Variants in GSAP observed in about 807,000 individuals in gnomAD.
GSAP encodes the protein gamma-secretase activating protein, also known as gamma-secretase-activating protein.
In GSAP, 118 loss-of-function variants were observed where a neutral mutation model predicts 131.7. The ratio of observed to expected loss-of-function variants is 0.90; its 90% CI spans 0.77 to 1.04. The LOEUF (loss-of-function observed/expected upper bound fraction) is 1.04, where lower values mean the gene tolerates loss of function less well. Among genes scored for constraint, GSAP ranks in the 50% least tolerant of loss-of-function variants. The probability of loss-of-function intolerance (pLI) is 0.00; values close to 1 mark genes in which losing one functional copy is unlikely to be tolerated. For missense variants in GSAP, 1,019 were observed against 1,013.2 expected, an observed-to-expected ratio of 1.01 and a Z score of -0.08; for synonymous variants, 381 against 363.4, an observed-to-expected ratio of 1.05 and a Z score of -0.55.
intron 13 of GSAP, among the ~76,000 whole-genome samples, chr7:77,361,280 T>G (rs577232872): frequency 6.6e-6 from 1 of 152,212 alleles, no homozygotes; most frequent in Non-Finnish European, 1.5e-5. Context: ...CCTCTGAGAC[T>G]TCTCCAAATC....
At chr7:77,333,124 G>A (rs577920476) in intron 19 of GSAP, among the ~76,000 whole-genome samples, 20 of 152,238 alleles carry the variant, frequency 1.3e-4, no homozygotes, top group Middle Eastern at 3.4e-3. Context: ...CCAAGATGGC[G>A]CCACTGCACT....
At chr7:77,407,771 C>T (rs1330811804) in intron 1 of GSAP, among the ~76,000 whole-genome samples, 2 of 152,102 alleles carry the variant, frequency 1.3e-5, no homozygotes, top group East Asian at 3.9e-4. Flanking sequence ...CATATATCTT[C>T]AAAAGAAATA....
At chr7:77,313,716 A>G (rs967626759) in intron 27 of GSAP, among the ~76,000 whole-genome samples, 167 bp from the exon 28 acceptor site, 87 of 152,346 alleles carry the variant, frequency 5.7e-4, no homozygotes, top group African/African-American at 2.1e-3. Flanking sequence ...CTCTGAATAA[A>G]AAGGGATTTT....
intron 19 of GSAP, chr7:77,331,909 AAAGAC>A: frequency 6.6e-6 from 1 of 152,098 alleles, no homozygotes; most frequent in Admixed American, 6.5e-5. Flanking sequence ...AAAAAAAAAA[AAAGAC>A]AAGACAAATC....
intron 3 of GSAP, among the ~76,000 whole-genome samples, chr7:77,399,633 G>A (rs897613542): frequency 1.3e-5 from 2 of 151,520 alleles, no homozygotes; most frequent in African/African-American, 4.9e-5. Context: ...TATGCTAATG[G>A]GAAGCATAAG....
intron 18 of GSAP, among the ~76,000 whole-genome samples, chr7:77,352,405 G>A (rs1253034468): frequency 6.6e-6 from 1 of 152,224 alleles, no homozygotes; most frequent in African/African-American, 2.4e-5. Context: ...AAAATGAGCA[G>A]TGTTTTAGCT....
intron 1 of GSAP, among the ~76,000 whole-genome samples, chr7:77,409,393 T>C (rs1453668080): frequency 1.3e-5 from 2 of 152,200 alleles, no homozygotes; most frequent in Non-Finnish European, 2.9e-5. Context: ...ATCTGCATTG[T>C]ATAAGGTATT....
chr7:77,411,619 T>A (rs1281809265), intron 1 of GSAP, among the ~76,000 whole-genome samples: 1 of 151,948 alleles, frequency 6.6e-6, no homozygotes, highest in East Asian at 1.9e-4. Flanking sequence ...TTTAAAAAGA[T>A]CTAAATAAAT....
At chr7:77,356,575 G>T (rs1188854056) in intron 14 of GSAP, among the ~76,000 whole-genome samples, 3 of 152,094 alleles carry the variant, frequency 2.0e-5, no homozygotes, top group Non-Finnish European at 2.9e-5. Context: ...TTATTTCCTT[G>T]CATATCAAGC....
At chr7:77,373,859 A>T (rs1424762821) in intron 12 of GSAP, among the ~76,000 whole-genome samples, 1 of 152,242 alleles carries the variant, frequency 6.6e-6, no homozygotes, top group African/African-American at 2.4e-5. Context: ...CTAGAAGAAT[A>T]ACTCTGCTGT....
At chr7:77,328,433 G>A (rs1788622249) in intron 22 of GSAP, 173 bp downstream of exon 22, 1 of 1,325,940 alleles carries the variant, frequency 7.5e-7, no homozygotes, top group Non-Finnish European at 9.6e-7. Flanking sequence ...CTGGTGCCTA[G>A]ACAGACATGG....
At chr7:77,332,685 C>T (rs1789340898) in intron 19 of GSAP, among the ~76,000 whole-genome samples, 1 of 152,178 alleles carries the variant, frequency 6.6e-6, no homozygotes, top group South Asian at 2.1e-4. Context: ...TTAAAATTTA[C>T]ACTTAAGTAA....
chr7:77,397,365 G>A lies in GSAP; in HGVS notation c.294C>T (p.Asn98=). The A allele has an allele frequency of 6.2e-7, 1 of 1,605,056 alleles. No individual in the cohort carries two copies. The highest frequency in any genetic ancestry group is 8.5e-7 in the Non-Finnish European group (1 of 1,172,956). The change falls in exon 4 of 31, where the codon AAC becomes AAT. Residue 98 remains asparagine, a synonymous_variant. Coordinates refer to ENST00000257626, the MANE Select transcript of GSAP (RefSeq NM_017439.4). Reference sequence around the variant, plus strand: ...ACTTACCAAGCAAAGTCCTTTCACTGTTGACAGAGCAACTGAAAACTTGCA... The same window carrying A: ...ACTTACCAAGCAAAGTCCTTTCACTATTGACAGAGCAACTGAAAACTTGCA... ...KDLQVFSCSV[N]SERTLLAASL... is the part of the protein sequence containing the mutation.
intron 1 of GSAP, among the ~76,000 whole-genome samples, chr7:77,406,708 A>G (rs6465628): frequency 0.44 from 67,697 of 152,182 alleles, 17,239 homozygotes; most frequent in African/African-American, 0.7. Context: ...GAATGGTGCC[A>G]TTAGCCAAGG....
chr7:77,415,877 G>A lies in GSAP; in HGVS notation c.109+336C>T, dbSNP rs919371025. 3.6e-5 allele frequency: 9 copies of A among 250,080 alleles called. No individual in the cohort carries two copies. The East Asian group carries it at 5.9e-4, about 16-fold the overall frequency. The allele number at this position is 250,080 out of a possible 1,614,324, so 15.5% of individuals were successfully genotyped here. On this transcript the variant is annotated intron_variant, in intron 1 of 30. Coordinates refer to ENST00000257626, the MANE Select transcript of GSAP (RefSeq NM_017439.4). Reference sequence around the variant, plus strand: ...CCGGGAGGTGGGATGCGGCCGCTGAGCTGAGCACGACCCTCTGCCCTCGCC... The same window carrying A: ...CCGGGAGGTGGGATGCGGCCGCTGAACTGAGCACGACCCTCTGCCCTCGCC...
chr7:77,344,845 C>A (rs999269345), intron 19 of GSAP, among the ~76,000 whole-genome samples: 1 of 152,194 alleles, frequency 6.6e-6, no homozygotes, highest in Non-Finnish European at 1.5e-5. Flanking sequence ...TCTCACCTAG[C>A]CATTTCTAAT....
intron 19 of GSAP, among the ~76,000 whole-genome samples, chr7:77,348,128 C>T (rs1792192727): frequency 6.6e-6 from 1 of 151,934 alleles, no homozygotes; most frequent in Non-Finnish European, 1.5e-5. Flanking sequence ...ATGATCATGC[C>T]ACTGCACTCC....
chr7:77,405,959 AAAGAG>A, intron 2 of GSAP, 65 bp downstream of exon 2: 1 of 588,100 alleles, frequency 1.7e-6, no homozygotes, highest in Non-Finnish European at 2.6e-6. Context: ...AATTCTGTAA[AAAGAG>A]AATATAAATG....
intron 19 of GSAP, among the ~76,000 whole-genome samples, chr7:77,348,456 G>T (rs568948273): frequency 1.3e-5 from 2 of 152,034 alleles, no homozygotes; most frequent in African/African-American, 4.8e-5. Flanking sequence ...TGCCCCCAGT[G>T]AATCACTGTG....
Sources: allele counts gnomAD v4.1 joint callset (sites outside exome capture counted in the v4.1 genomes callset), GRCh38; gene constraint gnomAD v4.1.1; transcripts MANE v1.5; gene names NCBI Gene and HGNC (gene_info 2026-07-23, HGNC 2026-07-21).